Variants in SHOC1 observed in about 807,000 individuals in gnomAD.
SHOC1 encodes protein shortage in chiasmata 1 ortholog.
In SHOC1, 136 loss-of-function variants were observed where a neutral mutation model predicts 179.2. That is an observed-to-expected ratio of 0.76 (90% confidence interval 0.66 to 0.87). The LOEUF (loss-of-function observed/expected upper bound fraction) is 0.87. SHOC1 is among the 40% of genes least tolerant of loss of function. The pLI is 0.00. For missense variants in SHOC1, 1,538 were observed against 1,700.8 expected (o/e 0.90, Z 1.68); for synonymous variants, 489 against 586.6 (o/e 0.83, Z 2.41).
At chr9:111,755,979 A>G (rs1376621347) in intron 8 of SHOC1, among the ~76,000 whole-genome samples, 1 of 152,000 alleles carries the variant, frequency 6.6e-6, no homozygotes, top group Non-Finnish European at 1.5e-5. Context: ...AAAATTAGCC[A>G]GGTGTGGTGG....
At chr9:111,725,547 A>G (rs1347530913) in intron 13 of SHOC1, among the ~76,000 whole-genome samples, 3 of 152,186 alleles carry the variant, frequency 2.0e-5, no homozygotes, top group Non-Finnish European at 4.4e-5. Flanking sequence ...CCCAGAAAAG[A>G]GTCATGACAT....
At chr9:111,755,366 G>C (rs995494392) in intron 8 of SHOC1, among the ~76,000 whole-genome samples, 13 of 152,160 alleles carry the variant, frequency 8.5e-5, no homozygotes, top group African/African-American at 3.1e-4. Context: ...CCCTGATTTA[G>C]TTTTAATCGT....
At chr9:111,734,826 T>C (rs1833745811) in intron 12 of SHOC1, among the ~76,000 whole-genome samples, 1 of 152,234 alleles carries the variant, frequency 6.6e-6, no homozygotes, top group Non-Finnish European at 1.5e-5. Flanking sequence ...AAATATAATT[T>C]GAACTTTTAA....
Position 111,785,972 on chromosome 9 carries a change from G to C in SHOC1, c.109C>G (p.Gln37Glu). The C allele has an allele frequency of 6.5e-7, 1 of 1,527,480 alleles. No homozygotes were observed. Among genetic ancestry groups the C allele is most frequent in the Non-Finnish European group, 8.8e-7 (1 of 1,136,628 alleles). 94.6% of individuals were successfully genotyped at this position (1,527,480 alleles called of 1,614,324 possible). ...LLLRIPSCLY[Q>E]DESYHVAVTD... is the part of the protein sequence containing the mutation. ...ACTGCTACATGGTAACTTTCATCTTGATATAAACATGAAGGGATTCGAAGC... is the reference window on the plus strand; with the variant it reads ...ACTGCTACATGGTAACTTTCATCTTCATATAAACATGAAGGGATTCGAAGC... Residue 37 changes from glutamine (Q) to glutamate (E), a missense_variant, in exon 3 of 28, where the codon CAA becomes GAA. Gln to Glu is a conservative substitution (Grantham distance 29). Coordinates refer to ENST00000682961, the MANE Select transcript of SHOC1 (RefSeq NM_001378211.1).
chr9:111,692,562 A>G, intron 26 of SHOC1, 51 bp from the exon 27 acceptor site: 7 of 1,363,714 alleles, frequency 5.1e-6, no homozygotes, highest in Non-Finnish European at 7.0e-6. Context: ...AATATAAATA[A>G]TGATGCTTAT....
At chr9:111,702,367 T>C in intron 22 of SHOC1, 141 bp from the exon 23 acceptor site, 1 of 581,850 alleles carries the variant, frequency 1.7e-6, no homozygotes, top group Non-Finnish European at 2.9e-6. Context: ...CATGGAAAAA[T>C]TAAAATCATG....
chr9:111,722,665 C>T (rs1328764190), intron 14 of SHOC1, 80 bp from the exon 15 acceptor site: 35 of 1,138,184 alleles, frequency 3.1e-5, no homozygotes, highest in Non-Finnish European at 4.1e-5. Context: ...AATGTTATTT[C>T]GTGGAGATCC....
rs190167232 is a variant in SHOC1 at position 111,716,038 on chromosome 9, G to A, written c.2237-1415C>T. Among the ~76,000 whole-genome samples, 268 of 152,198 alleles carry A rather than the reference G, an allele frequency of 1.8e-3. 2 individuals carry two copies. The highest frequency in any genetic ancestry group is 2.7e-3 in the Non-Finnish European group (186 of 67,994). On this transcript the variant is annotated intron_variant, in intron 16 of 27. Transcript: ENST00000682961. The stretch of plus-strand genomic sequence containing the variant: ...TGCCATTATACAGAGAGAAAGAAAG[G>A]ACAACCTAACTTGATCTTGGCTTTC...
intron 20 of SHOC1, among the ~76,000 whole-genome samples, chr9:111,706,174 T>C (rs1338154062): frequency 6.6e-6 from 1 of 152,124 alleles, no homozygotes; most frequent in Non-Finnish European, 1.5e-5. Context: ...TTCTAAGTAT[T>C]TGTAGATAAT....
chr9:111,748,268 G>T, intron 8 of SHOC1, 69 bp from the exon 9 acceptor site: 1 of 1,068,612 alleles, frequency 9.4e-7, no homozygotes, highest in Non-Finnish European at 1.4e-6. Flanking sequence ...CTTGTTCAGT[G>T]GCATTTTCCT....
rs1008409689 is a variant in SHOC1 at position 111,718,352 on chromosome 9, G to T, written c.2132-64C>A. 1.7e-5 allele frequency: 18 copies of T among 1,049,220 alleles called. No homozygotes were observed. The African/African-American group carries it at 2.5e-4, about 14-fold the overall frequency. The allele number at this position is 1,049,220 out of a possible 1,614,324, so 65.0% of individuals were successfully genotyped here. A position where few individuals can be genotyped will look rare whatever the true frequency, so the allele number is the denominator to read the frequency against. ...CATTACAGTTTTAGAATATGTATCAGAATCTGCCTAATAATGGGAGCTAAC... is the reference window on the plus strand; with the variant it reads ...CATTACAGTTTTAGAATATGTATCATAATCTGCCTAATAATGGGAGCTAAC... On this transcript the variant is annotated intron_variant, in intron 15 of 27. Coordinates refer to ENST00000682961, the MANE Select transcript of SHOC1 (RefSeq NM_001378211.1).
At position 111,746,233 on chromosome 9, in the gene SHOC1, C is replaced by A; in HGVS notation, c.1079+1G>T. 1.3e-6 allele frequency: 2 copies of A among 1,564,582 alleles called. No homozygotes were observed. The highest frequency in any genetic ancestry group is 1.8e-6 in the Non-Finnish European group (2 of 1,135,704). On this transcript the variant is annotated splice_donor_variant, in intron 10 of 27. Transcript: ENST00000682961. LOFTEE classifies it high-confidence loss of function. ...GGGTTCTAGATATAATCTTTACTTA[C>A]ATTTTACAAACCGGAGATAATGGAA...
In SHOC1 at chr9:111,712,543, A is replaced by G. The variant is rs183715472; in HGVS notation, c.2488+557T>C. On this transcript the variant is annotated intron_variant, in intron 18 of 27. Transcript: ENST00000682961. The stretch of plus-strand genomic sequence containing the variant: ...TTCAGTTAACACAAAGGAGATGAAG[A>G]AAGAGCAGAGTTTGCATAACAAGCA... Among the ~76,000 whole-genome samples, 8 of 152,332 alleles carry G rather than the reference A, an allele frequency of 5.3e-5. No individual in the cohort carries two copies. In the East Asian group the frequency reaches 1.5e-3, roughly 29 times the overall value.
chr9:111,775,293 C>T (rs1258674715), intron 5 of SHOC1, among the ~76,000 whole-genome samples: 5 of 152,086 alleles, frequency 3.3e-5, no homozygotes, highest in South Asian at 2.1e-4. Flanking sequence ...CCACCGTGCC[C>T]GGCCTACTTT....
At chr9:111,760,760 A>G (rs1835100169) in intron 5 of SHOC1, among the ~76,000 whole-genome samples, 1 of 151,888 alleles carries the variant, frequency 6.6e-6, no homozygotes, top group Admixed American at 6.6e-5. Flanking sequence ...ATTGAAGATC[A>G]TTTTTTTAAA....
At chr9:111,779,298 C>T (rs1412453442) in intron 4 of SHOC1, among the ~76,000 whole-genome samples, 2 of 152,024 alleles carry the variant, frequency 1.3e-5, no homozygotes, top group Admixed American at 6.6e-5. Context: ...TCAGTTAGTC[C>T]GTTTTGGAGC....
chr9:111,725,005 A>C (rs184657718), intron 13 of SHOC1, among the ~76,000 whole-genome samples: 164 of 152,292 alleles, frequency 1.1e-3, no homozygotes, highest in African/African-American at 3.8e-3. Flanking sequence ...TTTACACACA[A>C]ACACAGATAT....
chr9:111,777,619 G>C (rs982164645), intron 4 of SHOC1, among the ~76,000 whole-genome samples: 1 of 152,108 alleles, frequency 6.6e-6, no homozygotes, highest in Non-Finnish European at 1.5e-5. Flanking sequence ...CCTGTTTCCT[G>C]ATTGATAACA....
chr9:111,720,998 T>C lies in SHOC1; in HGVS notation c.2131+1411A>G, dbSNP rs139935824. ...GATGCCAGACATTGTGACTGTTACC[T>C]TGTTGGGTATTCTTGTATTCATATC... On this transcript the variant is annotated intron_variant, in intron 15 of 27. Transcript: ENST00000682961. Among the ~76,000 whole-genome samples, 3 of 152,336 alleles carry C rather than the reference T, an allele frequency of 2.0e-5. No homozygotes were observed. The East Asian group carries it at 5.8e-4, about 29-fold the overall frequency.
Sources: allele counts gnomAD v4.1 joint callset (sites outside exome capture counted in the v4.1 genomes callset), GRCh38; gene constraint gnomAD v4.1.1; transcripts MANE v1.5; gene names NCBI Gene and HGNC (gene_info 2026-07-23, HGNC 2026-07-21).